Variants in RTN1 observed in about 807,000 individuals in gnomAD.
The protein encoded by RTN1 is reticulon 1.
Under a neutral mutation model 65.5 loss-of-function variants are expected in RTN1, and 25 were observed. That is an observed-to-expected ratio of 0.38 (90% CI 0.28 to 0.53). The LOEUF (loss-of-function observed/expected upper bound fraction) is 0.53. RTN1 is among the 20% of genes least tolerant of loss of function. The probability of loss-of-function intolerance (pLI) is 0.79; values close to 1 mark genes in which losing one functional copy is unlikely to be tolerated. For synonymous variants in RTN1, 471 were observed against 447.6 expected (o/e 1.05, Z -0.66); for missense variants, 983 against 1,025.4 (o/e 0.96, Z 0.57).
chr14:59,672,246 G>C (rs1253387938), intron 3 of RTN1, among the ~76,000 whole-genome samples: 1 of 152,138 alleles, frequency 6.6e-6, no homozygotes, highest in African/African-American at 2.4e-5. Context: ...AGCAATTATG[G>C]TGGTCAGTAA....
intron 3 of RTN1, among the ~76,000 whole-genome samples, chr14:59,684,800 T>C (rs1252576720): frequency 1.3e-5 from 2 of 152,122 alleles, no homozygotes; most frequent in African/African-American, 2.4e-5. Context: ...TGGGTGGGTA[T>C]AGAAGTCTAA....
intron 1 of RTN1, among the ~76,000 whole-genome samples, chr14:59,757,597 G>C (rs879802278): frequency 6.6e-6 from 1 of 152,248 alleles, no homozygotes; most frequent in Admixed American, 6.5e-5. Context: ...CTAATACAGA[G>C]CCCTCATAAA....
At chr14:59,692,008 T>C (rs1883971887) in intron 3 of RTN1, among the ~76,000 whole-genome samples, 1 of 152,108 alleles carries the variant, frequency 6.6e-6, no homozygotes, top group African/African-American at 2.4e-5. Context: ...CTGGAAGCAT[T>C]ACCCCTGAGA....
intron 3 of RTN1, among the ~76,000 whole-genome samples, chr14:59,718,617 A>C (rs2139465069): frequency 6.6e-6 from 1 of 152,280 alleles, no homozygotes; most frequent in East Asian, 1.9e-4. Context: ...TCACCTAAAT[A>C]TATTAAACCC....
Position 59,816,393 on chromosome 14 carries a change from C to T in RTN1, c.241+53997G>A, listed in dbSNP as rs1287472297. On this transcript the variant is annotated intron_variant, in intron 1 of 8. Transcript: ENST00000267484. The surrounding 1 kb of genome is among the most constrained non-coding windows in gnomAD (Gnocchi z 4.3). ...TACAGTTGACCATATGGTAACAAGG[C>T]TAATTGCCTGCCTTCTCCAATCCTC... 6.6e-6 allele frequency among the ~76,000 whole-genome samples: 1 copy of T among 152,214 alleles called. No homozygotes were observed. The highest frequency in any genetic ancestry group is 1.9e-4 in the East Asian group (1 of 5,204).
chr14:59,747,790 C>T (rs565301966), intron 1 of RTN1, among the ~76,000 whole-genome samples: 85 of 152,202 alleles, frequency 5.6e-4, no homozygotes, highest in Middle Eastern at 3.4e-3. Context: ...CCCACACTCT[C>T]TACATCTACA....
At chr14:59,858,344 C>T (rs1178755807) in intron 1 of RTN1, among the ~76,000 whole-genome samples, 1 of 152,044 alleles carries the variant, frequency 6.6e-6, no homozygotes, top group African/African-American at 2.4e-5. Flanking sequence ...TTTGAGAAGC[C>T]CTGATTTTTT....
chr14:59,646,216 T>C (rs1882892973), intron 3 of RTN1, among the ~76,000 whole-genome samples: 2 of 152,164 alleles, frequency 1.3e-5, no homozygotes, highest in Admixed American at 1.3e-4. Flanking sequence ...ATCTCAGAAC[T>C]TGGAAGACTG....
At chr14:59,616,316 G>A (rs1442667058) in intron 3 of RTN1, among the ~76,000 whole-genome samples, 3 of 152,102 alleles carry the variant, frequency 2.0e-5, no homozygotes, top group African/African-American at 7.2e-5. Context: ...CTTGTCAATT[G>A]TGTCTTTAAC....
At position 59,822,399 on chromosome 14, in the gene RTN1, T is replaced by C. The variant is rs576261913; in HGVS notation, c.241+47991A>G. On this transcript the variant is annotated intron_variant, in intron 1 of 8. Coordinates refer to ENST00000267484, the MANE Select transcript of RTN1 (RefSeq NM_021136.3). ...GATATGTTTATTTGGATCTTCTCTC[T>C]TTTGTTCTTTATTAATCTGGCTAGC... Among the ~76,000 whole-genome samples the C allele has an allele frequency of 2.6e-3, 394 of 152,332 alleles. 3 individuals carry two copies. The highest frequency in any genetic ancestry group is 0.01 in the Middle Eastern group (3 of 294).
chr14:59,749,320 C>G lies in RTN1; in HGVS notation c.242-2839G>C, dbSNP rs370262997. Among the ~76,000 whole-genome samples, 2 of 17,772 alleles carry G rather than the reference C, an allele frequency of 1.1e-4. 1 individual carries two copies. Among genetic ancestry groups the G allele is most frequent in the African/African-American group, 7.8e-4 (2 of 2,560 alleles). 11.7% of individuals were successfully genotyped at this position (17,772 alleles called of 152,430 possible). Reference sequence around the variant, plus strand: ...TATCTATATATATCTATATATATATCTATATATCTATATATATCTATATAT... The same window carrying G: ...TATCTATATATATCTATATATATATGTATATATCTATATATATCTATATAT... On this transcript the variant is annotated intron_variant, in intron 1 of 8. Transcript: ENST00000267484.
chr14:59,695,320 C>G (rs558620139), intron 3 of RTN1, among the ~76,000 whole-genome samples: 2 of 152,312 alleles, frequency 1.3e-5, no homozygotes, highest in South Asian at 4.1e-4. Context: ...AACCTTCATC[C>G]TGCTTACTCA....
intron 3 of RTN1, among the ~76,000 whole-genome samples, chr14:59,661,227 G>A (rs1321608247): frequency 2.0e-5 from 2 of 98,164 alleles, no homozygotes; most frequent in African/African-American, 8.0e-5. Context: ...ATCAAGTTGT[G>A]AAATTCAGGC....
In RTN1 at chr14:59,788,805, C is replaced by T. The variant is rs1008255817; in HGVS notation, c.242-42324G>A. Among the ~76,000 whole-genome samples, 15 of 152,246 alleles carry T rather than the reference C, an allele frequency of 9.9e-5. 1 individual carries two copies. Among genetic ancestry groups the T allele is most frequent in the Admixed American group, 6.5e-4 (10 of 15,292 alleles). On this transcript the variant is annotated intron_variant, in intron 1 of 8. Coordinates refer to ENST00000267484, the MANE Select transcript of RTN1 (RefSeq NM_021136.3). ...ATCATTCTATTCTCCCTGTAATCCT[C>T]TGGCTATTTACATGGGTTTATTTTT...
intron 1 of RTN1, among the ~76,000 whole-genome samples, chr14:59,808,559 G>A (rs554797451): frequency 1.3e-5 from 2 of 152,146 alleles, no homozygotes; most frequent in South Asian, 4.1e-4. Flanking sequence ...AGACAAAACA[G>A]GGCTAGGAAC....
intron 3 of RTN1, among the ~76,000 whole-genome samples, chr14:59,691,641 T>C (rs1317296181): frequency 6.6e-6 from 1 of 151,858 alleles, no homozygotes; most frequent in African/African-American, 2.4e-5. Flanking sequence ...AAAAGAAAAC[T>C]ACAGACCAAA....
chr14:59,867,234 T>C (rs1887815488), intron 1 of RTN1, among the ~76,000 whole-genome samples: 1 of 152,236 alleles, frequency 6.6e-6, no homozygotes, highest in South Asian at 2.1e-4. Context: ...TATTGTATGC[T>C]CCTTTTGAAT....
chr14:59,749,160 CTATCTATA>C (rs1885304780), intron 1 of RTN1, among the ~76,000 whole-genome samples: 4 of 55,228 alleles, frequency 7.2e-5, no homozygotes, highest in African/African-American at 4.2e-4. Context: ...CTATCTATAT[CTATCTATA>C]TATCTATCTA....
At chr14:59,602,302 T>G (rs1310875334) in intron 8 of RTN1, among the ~76,000 whole-genome samples, 1 of 152,176 alleles carries the variant, frequency 6.6e-6, no homozygotes, top group Admixed American at 6.5e-5. Flanking sequence ...TGGTGAAATA[T>G]ATTTATAGTT....
Sources: allele counts gnomAD v4.1 joint callset (sites outside exome capture counted in the v4.1 genomes callset), GRCh38; gene constraint gnomAD v4.1.1; non-coding constraint Gnocchi (gnomAD v3.1); transcripts MANE v1.5; gene names NCBI Gene and HGNC (gene_info 2026-07-23, HGNC 2026-07-21).